Variants in IGSF21 observed in about 807,000 individuals in gnomAD.
IGSF21 encodes immunoglobulin superfamily member 21.
Under a neutral mutation model 46.8 loss-of-function variants are expected in IGSF21, and 28 were observed. The observed-to-expected ratio is 0.60, with a 90% CI of 0.44 to 0.82. The LOEUF is 0.82. IGSF21 is among the 40% of genes least tolerant of loss of function. The pLI, the probability that IGSF21 is intolerant of heterozygous loss-of-function variation, is 0.00. For synonymous variants in IGSF21, 284 were observed against 273.6 expected (o/e 1.04, Z -0.38); for missense variants, 624 against 665.5 (o/e 0.94, Z 0.69).
At chr1:18,154,067 G>A (rs2124436684) in intron 1 of IGSF21, among the ~76,000 whole-genome samples, 1 of 152,208 alleles carries the variant, frequency 6.6e-6, no homozygotes, top group East Asian at 1.9e-4. Context: ...TGGCATCCCA[G>A]GAGCCACGGT....
chr1:18,129,140 C>T (rs985375978), intron 1 of IGSF21, among the ~76,000 whole-genome samples: 1 of 152,116 alleles, frequency 6.6e-6, no homozygotes, highest in Admixed American at 6.5e-5. Flanking sequence ...GAGGGAGATA[C>T]GTTTTAATCT....
At chr1:18,327,529 T>C (rs2085669275) in intron 3 of IGSF21, among the ~76,000 whole-genome samples, 1 of 152,144 alleles carries the variant, frequency 6.6e-6, no homozygotes, top group African/African-American at 2.4e-5. Flanking sequence ...GTAAATGGTG[T>C]GTAGCCACGA....
intron 1 of IGSF21, among the ~76,000 whole-genome samples, chr1:18,198,003 T>G (rs182859878): frequency 3.9e-4 from 60 of 152,298 alleles, no homozygotes; most frequent in Non-Finnish European, 7.1e-4. Context: ...GATTTAAAAA[T>G]TCAATGTGCT....
chr1:18,132,876 C>G (rs2086334171), intron 1 of IGSF21, among the ~76,000 whole-genome samples: 1 of 149,558 alleles, frequency 6.7e-6, no homozygotes, highest in African/African-American at 2.5e-5. Context: ...CGGGGTCTGG[C>G]CTGTGGGGCA....
intron 1 of IGSF21, among the ~76,000 whole-genome samples, chr1:18,141,307 G>A (rs931463359): frequency 6.6e-6 from 1 of 152,218 alleles, no homozygotes; most frequent in Non-Finnish European, 1.5e-5. Context: ...TCATTATTAT[G>A]TAATGAGGTG....
chr1:18,159,699 T>TC (rs2086599315), intron 1 of IGSF21, among the ~76,000 whole-genome samples: 1 of 151,460 alleles, frequency 6.6e-6, no homozygotes, highest in African/African-American at 2.4e-5. Context: ...TTTTTTTTTT[T>TC]TGAGAGAGAG....
intron 1 of IGSF21, among the ~76,000 whole-genome samples, chr1:18,136,319 A>C (rs1478061638): frequency 6.6e-6 from 1 of 152,174 alleles, no homozygotes; most frequent in Non-Finnish European, 1.5e-5. Context: ...TGTTTTAGAC[A>C]TGAAGTCCTT....
intron 4 of IGSF21, among the ~76,000 whole-genome samples, chr1:18,339,110 A>C (rs1403519801): frequency 6.6e-6 from 1 of 152,214 alleles, no homozygotes; most frequent in Non-Finnish European, 1.5e-5. Context: ...CATTGAGCTC[A>C]GTGTTCAACC....
At chr1:18,200,063 A>G (rs1570328833) in intron 1 of IGSF21, among the ~76,000 whole-genome samples, 1 of 152,136 alleles carries the variant, frequency 6.6e-6, no homozygotes, top group South Asian at 2.1e-4. Context: ...TGCTGGCTGG[A>G]AGACCCTTGA....
intron 1 of IGSF21, among the ~76,000 whole-genome samples, chr1:18,161,515 T>C (rs1217340917): frequency 1.3e-5 from 2 of 152,090 alleles, no homozygotes; most frequent in Non-Finnish European, 2.9e-5. Flanking sequence ...TTTCCTGGGC[T>C]TATCAGGCAG....
chr1:18,126,160 T>C (rs148623903), intron 1 of IGSF21, among the ~76,000 whole-genome samples: 156 of 152,268 alleles, frequency 1.0e-3, no homozygotes, highest in Non-Finnish European at 1.6e-3. Flanking sequence ...GAGGCGAGAA[T>C]GTGGCTCAAG....
At chr1:18,251,874 C>A (rs1227843364) in intron 2 of IGSF21, among the ~76,000 whole-genome samples, 1 of 152,074 alleles carries the variant, frequency 6.6e-6, no homozygotes, top group Non-Finnish European at 1.5e-5. Context: ...ATTCATACAA[C>A]ACTTGGTACT....
chr1:18,342,754 AG>A (rs1391208951), intron 4 of IGSF21, among the ~76,000 whole-genome samples: 3 of 152,342 alleles, frequency 2.0e-5, no homozygotes, highest in African/African-American at 7.2e-5. Flanking sequence ...ATATTGTAGC[AG>A]GTACCAGTAC....
intron 1 of IGSF21, among the ~76,000 whole-genome samples, chr1:18,131,439 G>C (rs997319576): frequency 6.6e-6 from 1 of 152,108 alleles, no homozygotes; most frequent in African/African-American, 2.4e-5. Context: ...TGTGATGCTG[G>C]GCAAGTTACT....
chr1:18,331,417 G>T (rs578072892), intron 3 of IGSF21, among the ~76,000 whole-genome samples: 89 of 152,262 alleles, frequency 5.8e-4, no homozygotes, highest in African/African-American at 2.1e-3. Context: ...TTCCATCCAG[G>T]TTGCTGTGAA....
chr1:18,374,115 A>G (rs1569901361), intron 6 of IGSF21, among the ~76,000 whole-genome samples: 1 of 152,138 alleles, frequency 6.6e-6, no homozygotes, highest in Admixed American at 6.5e-5. Context: ...ATGCCGCCCC[A>G]GCAGCACCTG....
intron 1 of IGSF21, among the ~76,000 whole-genome samples, chr1:18,163,358 G>A (rs1214756694): frequency 6.6e-6 from 1 of 152,188 alleles, no homozygotes; most frequent in East Asian, 1.9e-4. Flanking sequence ...CAGAGGATGA[G>A]TTGCAGAAGG....
intron 1 of IGSF21, among the ~76,000 whole-genome samples, chr1:18,208,387 ATATATATATT>A (rs1446386955): frequency 9.9e-5 from 11 of 111,510 alleles, no homozygotes; most frequent in South Asian, 3.0e-4. Flanking sequence ...ATATATATAT[ATATATATATT>A]TTTTGAGACG....
intron 3 of IGSF21, among the ~76,000 whole-genome samples, chr1:18,304,718 C>T (rs150740546): frequency 2.1e-4 from 17 of 80,112 alleles, no homozygotes; most frequent in African/African-American, 6.4e-4. Context: ...TACACACACA[C>T]ACACACACAC....
Sources: gnomAD v4.1 joint callset for allele counts (sites outside exome capture counted in the v4.1 genomes callset) on GRCh38, gnomAD v4.1.1 for gene constraint, MANE v1.5 for transcripts, NCBI Gene and HGNC (gene_info 2026-07-23, HGNC 2026-07-21) for gene names.